The following MEGF6 variants were observed in gnomAD, a reference collection of about 807,000 sequenced individuals.
MEGF6 encodes multiple EGF like domains 6.
In MEGF6, 184 loss-of-function variants were observed where a neutral mutation model predicts 207.1. The ratio of observed to expected loss-of-function variants is 0.89; its 90% CI spans 0.79 to 1.00. The LOEUF (loss-of-function observed/expected upper bound fraction) is 1.00. Ranked by LOEUF, MEGF6 falls within the 50% of genes least tolerant of loss-of-function variation. The probability of loss-of-function intolerance (pLI) is 0.00; values close to 1 mark genes in which losing one functional copy is unlikely to be tolerated. For synonymous variants in MEGF6, 1,038 were observed against 910.0 expected, an observed-to-expected ratio of 1.14 and a Z score of -2.53; for missense variants, 2,282 against 2,202.9, an observed-to-expected ratio of 1.04 and a Z score of -0.72.
In MEGF6 at chr1:3,505,978, A is replaced by T. The variant is rs72852488; in HGVS notation, c.1918+130T>A. On this transcript the variant is annotated intron_variant, in intron 15 of 36. Transcript: ENST00000356575. ...CAGACTCATGGCGGACCCCAGACCT[A>T]CATCCCAGTGGGTGACCTGGCTGGG... The T allele has an allele frequency of 4.4e-3, 5,540 of 1,271,644 alleles. 197 individuals are homozygous for T. The African/African-American group carries it at 0.075, about 17-fold the overall frequency. 78.8% of individuals were successfully genotyped at this position (1,271,644 alleles called of 1,614,324 possible).
At chr1:3,596,077 T>C (rs1644060259) in intron 2 of MEGF6, among the ~76,000 whole-genome samples, 1 of 151,718 alleles carries the variant, frequency 6.6e-6, no homozygotes, top group Admixed American at 6.6e-5. Context: ...GAGGAAGCAG[T>C]TAGGGGAGCA....
chr1:3,597,411 G>A, intron 2 of MEGF6, among the ~76,000 whole-genome samples: 1 of 152,154 alleles, frequency 6.6e-6, no homozygotes, highest in East Asian at 1.9e-4. Flanking sequence ...ACGGCCACCT[G>A]TGCCACCTGC....
chr1:3,530,540 A>G (rs936852520), intron 4 of MEGF6, among the ~76,000 whole-genome samples: 3 of 152,186 alleles, frequency 2.0e-5, no homozygotes, highest in African/African-American at 7.2e-5. Flanking sequence ...GCCAGATCCC[A>G]GCTGCAGAGA....
chr1:3,521,485 C>T lies in MEGF6; in HGVS notation c.604+2639G>A, dbSNP rs78103513. ...GCCCTTGGCCAGGAGCTGAGATGCCCCAACACCCTCCCCATCCCAGGCCGG... is the reference window on the plus strand; with the variant it reads ...GCCCTTGGCCAGGAGCTGAGATGCCTCAACACCCTCCCCATCCCAGGCCGG... On this transcript the variant is annotated intron_variant, in intron 5 of 36. Coordinates refer to ENST00000356575, the MANE Select transcript of MEGF6 (RefSeq NM_001409.4). Among the ~76,000 whole-genome samples the T allele has an allele frequency of 6.4e-3, 968 of 152,236 alleles. 4 individuals carry two copies. The highest frequency in any genetic ancestry group is 0.012 in the South Asian group (58 of 4,824).
intron 11 of MEGF6, among the ~76,000 whole-genome samples, chr1:3,509,575 C>A (rs1641254502): frequency 6.6e-6 from 1 of 152,194 alleles, no homozygotes; most frequent in Non-Finnish European, 1.5e-5. Context: ...CACCTTAGGT[C>A]TTGGTCCCTT....
intron 5 of MEGF6, among the ~76,000 whole-genome samples, chr1:3,518,987 C>T (rs1427167650): frequency 6.6e-6 from 1 of 152,238 alleles, no homozygotes; most frequent in Admixed American, 6.5e-5. Context: ...CTCGTCCACA[C>T]GCCAAGGGGT....
At chr1:3,586,335 G>A (rs1643894120) in intron 3 of MEGF6, among the ~76,000 whole-genome samples, 1 of 152,232 alleles carries the variant, frequency 6.6e-6, no homozygotes, top group Non-Finnish European at 1.5e-5. Flanking sequence ...ACGCTCGAGT[G>A]AGCATGTATG....
chr1:3,540,067 CCAGCTCG>C (rs1171958914), intron 4 of MEGF6, among the ~76,000 whole-genome samples: 1 of 152,128 alleles, frequency 6.6e-6, no homozygotes, highest in Non-Finnish European at 1.5e-5. Flanking sequence ...TGCAGGCTGC[CCAGCTCG>C]GGGTGTCCTC....
rs1014895378 is a variant in MEGF6, at chr1:3,494,390, A to G, written c.4110T>C (p.Tyr1370=). The G allele has an allele frequency of 6.5e-7, 1 of 1,548,588 alleles. No homozygotes were observed. Residue 1370 remains tyrosine, a synonymous_variant, in exon 32 of 37, where the codon TAT becomes TAC. Coordinates refer to ENST00000356575, the MANE Select transcript of MEGF6 (RefSeq NM_001409.4). ...TGTCRCGPGF[Y]GQACEHPCPP... ...ACTCACGGTGCTCGCAGGCCTGGCC[A>G]TAGAAGCCGGGGCCGCAGCGGCAGG...
Position 3,490,313 on chromosome 1 carries a change from C to CT in MEGF6, c.*214dup. On this transcript the variant is annotated 3_prime_UTR_variant, in exon 37 of 37. Transcript: ENST00000356575. ...TCTGCAGAGCCAGGCCAGGAGGCGC[C>CT]TCTCTTCCAGCGGCCATGCGAGGCT... is the stretch of plus-strand genomic sequence containing the variant. 1 of 583,812 alleles carries CT rather than the reference C, an allele frequency of 1.7e-6. No homozygotes were observed. Among genetic ancestry groups the CT allele is most frequent in the South Asian group, 2.2e-5 (1 of 44,694 alleles). 36.2% of individuals were successfully genotyped at this position (583,812 alleles called of 1,614,324 possible). A position where few individuals can be genotyped will look rare whatever the true frequency, so the allele number is the denominator to read the frequency against.
chr1:3,559,149 G>C (rs1248784314), intron 4 of MEGF6, among the ~76,000 whole-genome samples: 1 of 152,254 alleles, frequency 6.6e-6, no homozygotes, highest in Non-Finnish European at 1.5e-5. Context: ...AGCTCACTCT[G>C]CAAGGTGGTT....
chr1:3,546,458 T>C (rs1302103449), intron 4 of MEGF6, among the ~76,000 whole-genome samples: 1 of 152,002 alleles, frequency 6.6e-6, no homozygotes, highest in Non-Finnish European at 1.5e-5. Flanking sequence ...GGGGAGCGAG[T>C]TGGGTGAGGA....
rs1330690024 is a variant in MEGF6, at chr1:3,524,678, G to C, written c.482-432C>G. ...GACGGCCATGCCCAGGCTGTGGGGGGAAGCCTGAGAAAGGGGAGGGCGTGC... is the reference window on the plus strand; with the variant it reads ...GACGGCCATGCCCAGGCTGTGGGGGCAAGCCTGAGAAAGGGGAGGGCGTGC... On this transcript the variant is annotated intron_variant, in intron 4 of 36. Transcript: ENST00000356575. Among the ~76,000 whole-genome samples the C allele has an allele frequency of 2.6e-5, 4 of 152,336 alleles. No individual in the cohort carries two copies. The East Asian group carries it at 7.7e-4, about 29-fold the overall frequency.
intron 17 of MEGF6, among the ~76,000 whole-genome samples, chr1:3,502,630 G>A (rs542281282): frequency 1.3e-5 from 2 of 152,264 alleles, no homozygotes; most frequent in African/African-American, 2.4e-5. Context: ...AGAGGCCAGG[G>A]AGTCACAGCA....
In MEGF6 at chr1:3,515,468, T is replaced by C. The variant is rs1641509458; in HGVS notation, c.664A>G (p.Ile222Val). 2 of 1,612,756 alleles carry C rather than the reference T, an allele frequency of 1.2e-6. No homozygotes were observed. The highest frequency in any genetic ancestry group is 2.7e-5 in the African/African-American group (2 of 75,054). ...GCQHHCVQLT[I>V]TRHRCQCRPG... The stretch of plus-strand genomic sequence containing the variant: ...CGGCACTGGCAGCGATGCCGAGTGA[T>C]TGTGAGCTGGACACAGTGGTGCTGG... Residue 222 changes from isoleucine (I) to valine (V), a missense_variant, in exon 6 of 37, where the codon ATC becomes GTC. Ile to Val is a conservative substitution (Grantham distance 29). Coordinates refer to ENST00000356575, the MANE Select transcript of MEGF6 (RefSeq NM_001409.4).
intron 4 of MEGF6, among the ~76,000 whole-genome samples, chr1:3,546,045 G>A (rs1428547433): frequency 2.0e-5 from 3 of 152,254 alleles, no homozygotes; most frequent in Admixed American, 1.3e-4. Flanking sequence ...GACCGGGACA[G>A]CAGAGCAGAG....
chr1:3,582,628 C>A, intron 3 of MEGF6, among the ~76,000 whole-genome samples: 1 of 152,206 alleles, frequency 6.6e-6, no homozygotes, highest in South Asian at 2.1e-4. Flanking sequence ...CACTGGCTTT[C>A]CATTGACTTG....
Position 3,515,532 on chromosome 1 carries a change from G to C in MEGF6, c.605-5C>G, listed in dbSNP as rs1229382315. Reference sequence around the variant, plus strand: ...CCAGGGCGCAGGAGTTAATGGCTGGGGACACAGGGAGGACCCCAAGTCAGC... The same window carrying C: ...CCAGGGCGCAGGAGTTAATGGCTGGCGACACAGGGAGGACCCCAAGTCAGC... On this transcript the variant is annotated splice_region_variant and splice_polypyrimidine_tract_variant and intron_variant, in intron 5 of 36. Coordinates refer to ENST00000356575, the MANE Select transcript of MEGF6 (RefSeq NM_001409.4). 1 of 1,610,786 alleles carries C rather than the reference G, an allele frequency of 6.2e-7. No individual in the cohort carries two copies.
intron 28 of MEGF6, 64 bp downstream of exon 28, chr1:3,496,924 G>A (rs543793601): frequency 1.3e-6 from 2 of 1,531,852 alleles, no homozygotes. Context: ...GGGACCAGGG[G>A]AACTGGGGCC....
Sources: gnomAD v4.1 joint callset for allele counts (sites outside exome capture counted in the v4.1 genomes callset) on GRCh38, gnomAD v4.1.1 for gene constraint, MANE v1.5 for transcripts, NCBI Gene and HGNC (gene_info 2026-07-23, HGNC 2026-07-21) for gene names.